The following NTN4 variants were observed in gnomAD, a reference collection of about 807,000 sequenced individuals.
The protein encoded by NTN4 is netrin 4.
In NTN4, 32 loss-of-function variants were observed where a neutral mutation model predicts 73.6. The observed-to-expected ratio is 0.44, with a 90% confidence interval of 0.33 to 0.58. The LOEUF is 0.58. Among genes scored for constraint, NTN4 ranks in the 20% least tolerant of loss-of-function variants. NTN4 has a pLI of 0.04. For missense variants in NTN4, 654 were observed against 798.3 expected, an observed-to-expected ratio of 0.82 and a Z score of 2.18; for synonymous variants, 258 against 287.5, an observed-to-expected ratio of 0.90 and a Z score of 1.04.
At chr12:95,756,973 T>A (rs10859935) in intron 2 of NTN4, among the ~76,000 whole-genome samples, 83,582 of 151,794 alleles carry the variant, frequency 0.55, 23,253 homozygotes, top group East Asian at 0.68. Flanking sequence ...AAGCTCTCTT[T>A]ATCATCCCTG....
upstream of NTN4, among the ~76,000 whole-genome samples, chr12:95,790,930 G>GGA (rs1555222874): frequency 2.8e-5 from 4 of 145,310 alleles, no homozygotes; most frequent in African/African-American, 9.9e-5. This position sits in a 1 kb window ranked among gnomAD's most constrained non-coding sequence, Gnocchi z 6.5. Context: ...CTGCCGCCCG[G>GGA]GGGGGGGGTC....
chr12:95,789,628 C>G lies in NTN4; in HGVS notation c.55+627G>C, dbSNP rs7315601. 0.044 allele frequency among the ~76,000 whole-genome samples: 6,686 copies of G among 152,268 alleles called. 490 individuals carry two copies. Among genetic ancestry groups the G allele is most frequent in the African/African-American group, 0.15 (6,295 of 41,518 alleles). ...GGGAGCAGACCCGCCTCCGACCTCC[C>G]GCAGAGTCTCTGCCAGGGTACCAAT... On this transcript the variant is annotated intron_variant, in intron 1 of 9. Coordinates refer to ENST00000343702, the MANE Select transcript of NTN4 (RefSeq NM_021229.4). The surrounding 1 kb of genome is among the most constrained non-coding windows in gnomAD (Gnocchi z 4.0).
At chr12:95,728,382 T>C (rs2078711095) in intron 3 of NTN4, among the ~76,000 whole-genome samples, 1 of 152,166 alleles carries the variant, frequency 6.6e-6, no homozygotes, top group African/African-American at 2.4e-5. Context: ...TGGGAGGAAG[T>C]ATTTGGTTTT....
intron 1 of NTN4, 150 bp from the exon 2 acceptor site, chr12:95,787,618 T>C (rs1424425732): frequency 2.9e-6 from 2 of 692,342 alleles, no homozygotes; most frequent in Admixed American, 5.6e-5. Context: ...ACCATGTTCC[T>C]GTTTGAGCAT....
In NTN4 at chr12:95,683,631, G is replaced by A; in HGVS notation, c.1261C>T (p.Pro421Ser). The A allele has an allele frequency of 1.2e-6, 2 of 1,614,116 alleles. No homozygotes were observed. The highest frequency in any genetic ancestry group is 1.6e-4 in the Middle Eastern group (1 of 6,062). Residue 421 changes from proline (P) to serine (S), a missense_variant, in exon 6 of 10, where the codon CCT becomes TCT. By Grantham distance (74) the Pro-to-Ser change is moderately conservative. Coordinates refer to ENST00000343702, the MANE Select transcript of NTN4 (RefSeq NM_021229.4). ...TFCDPSNGDCPCKPGVAGRRC... is the reference protein window; with the variant it reads ...TFCDPSNGDCSCKPGVAGRRC... Reference sequence around the variant, plus strand: ...CGCCCTGCCACCCCAGGCTTGCAAGGGCAGTCACCATTGCTGGGGTCGCAG... The same window carrying A: ...CGCCCTGCCACCCCAGGCTTGCAAGAGCAGTCACCATTGCTGGGGTCGCAG...
chr12:95,734,808 G>A (rs1050934256), intron 3 of NTN4, among the ~76,000 whole-genome samples: 2 of 152,220 alleles, frequency 1.3e-5, no homozygotes, highest in African/African-American at 4.8e-5. Context: ...GGGAGGCTGA[G>A]GCGGGTGGAT....
chr12:95,702,634 C>T (rs1176178582), intron 5 of NTN4, among the ~76,000 whole-genome samples: 1 of 152,166 alleles, frequency 6.6e-6, no homozygotes, highest in African/African-American at 2.4e-5. Flanking sequence ...TTGTCATCAT[C>T]ATCACCACCA....
chr12:95,774,169 T>C (rs1027328720), intron 2 of NTN4, among the ~76,000 whole-genome samples: 1 of 105,828 alleles, frequency 9.4e-6, no homozygotes, highest in Non-Finnish European at 1.8e-5. Flanking sequence ...GTTTTAGTTT[T>C]TCTCTCTTTT....
rs1243542313 is a variant in NTN4 at position 95,683,553 on chromosome 12, G to T, written c.1339C>A (p.Arg447=). The change falls in exon 6 of 10, where the codon CGA becomes AGA. Residue 447 remains arginine, a synonymous_variant. Transcript: ENST00000343702. The part of the protein sequence containing the change: ...GYWGFGDYGC[R]PCDCAGSCDP... The stretch of plus-strand genomic sequence containing the variant: ...CAGCTCCCCGCACAGTCACATGGTC[G>T]ACAGCCATAGTCTCCGAAGCCCCAG... 3 of 1,614,138 alleles carry T rather than the reference G, an allele frequency of 1.9e-6. No homozygotes were observed. The highest frequency in any genetic ancestry group is 1.1e-5 in the South Asian group (1 of 91,070).
At chr12:95,750,745 G>T (rs1159319502) in intron 2 of NTN4, among the ~76,000 whole-genome samples, 1 of 152,054 alleles carries the variant, frequency 6.6e-6, no homozygotes, top group East Asian at 1.9e-4. Context: ...AGACCCATCT[G>T]ACCTCTCCCT....
At chr12:95,713,836 A>G (rs1448251776) in intron 3 of NTN4, among the ~76,000 whole-genome samples, 1 of 152,130 alleles carries the variant, frequency 6.6e-6, no homozygotes, top group Admixed American at 6.5e-5. Flanking sequence ...ATATTCTCAT[A>G]TAATACACAC....
chr12:95,709,324 T>C (rs2078544833), intron 5 of NTN4, among the ~76,000 whole-genome samples: 1 of 152,212 alleles, frequency 6.6e-6, no homozygotes, highest in East Asian at 1.9e-4. Flanking sequence ...TGTTATCTGA[T>C]GATTTCTGAG....
At chr12:95,692,585 T>C (rs188554768) in intron 5 of NTN4, among the ~76,000 whole-genome samples, 38 of 152,346 alleles carry the variant, frequency 2.5e-4, no homozygotes, top group African/African-American at 8.9e-4. Context: ...AATGCTGCTG[T>C]GTAGGACTTT....
chr12:95,680,417 C>T (rs2078306475), intron 7 of NTN4, among the ~76,000 whole-genome samples: 1 of 152,212 alleles, frequency 6.6e-6, no homozygotes, highest in Admixed American at 6.6e-5. Flanking sequence ...GAAAACCATT[C>T]TTAGGGCAGG....
chr12:95,734,232 G>A (rs957034822), intron 3 of NTN4, among the ~76,000 whole-genome samples: 4 of 152,080 alleles, frequency 2.6e-5, no homozygotes, highest in Non-Finnish European at 5.9e-5. Context: ...CATAAAATCA[G>A]GTTTCATTAA....
intron 3 of NTN4, among the ~76,000 whole-genome samples, chr12:95,720,295 A>T (rs1462435156): frequency 7.2e-5 from 11 of 152,216 alleles, no homozygotes. Context: ...GGAGCCAAAA[A>T]CAAACTGTGC....
rs2079191413 is a variant in NTN4 at position 95,789,365 on chromosome 12, GA to G, written c.55+889del. ...TCTGAAGCAGTCAAGATCCGCACGA[GA>G]GACTGGATGTCTGCAGACTCCCTCA... On this transcript the variant is annotated intron_variant, in intron 1 of 9. Transcript: ENST00000343702. This position sits in a 1 kb window ranked among gnomAD's most constrained non-coding sequence, Gnocchi z 4.0. Among the ~76,000 whole-genome samples, 1 of 152,214 alleles carries G rather than the reference GA, an allele frequency of 6.6e-6. No individual in the cohort carries two copies. Among genetic ancestry groups the G allele is most frequent in the South Asian group, 2.1e-4 (1 of 4,830 alleles).
intron 5 of NTN4, among the ~76,000 whole-genome samples, chr12:95,686,907 C>A (rs887713454): frequency 2.0e-5 from 3 of 152,202 alleles, no homozygotes; most frequent in Admixed American, 2.0e-4. Context: ...ATACAGTTGA[C>A]CGTCTTAGCT....
At chr12:95,757,517 G>A (rs2078954463) in intron 2 of NTN4, among the ~76,000 whole-genome samples, 1 of 152,112 alleles carries the variant, frequency 6.6e-6, no homozygotes, top group African/African-American at 2.4e-5. Flanking sequence ...AGAAGACTCT[G>A]AACCATGGTA....
Sources: allele counts gnomAD v4.1 joint callset (sites outside exome capture counted in the v4.1 genomes callset), GRCh38; gene constraint gnomAD v4.1.1; non-coding constraint Gnocchi (gnomAD v3.1); transcripts MANE v1.5; gene names NCBI Gene and HGNC (gene_info 2026-07-23, HGNC 2026-07-21).